SSH2: variants seen among roughly 807,000 people sequenced by gnomAD.
The protein encoded by SSH2 is protein phosphatase Slingshot homolog 2.
In SSH2, 37 loss-of-function variants were observed where a neutral mutation model predicts 135.2. The ratio of observed to expected loss-of-function variants is 0.27; its 90% CI spans 0.21 to 0.36. The LOEUF (loss-of-function observed/expected upper bound fraction) is 0.36. Ranked by LOEUF, SSH2 falls within the 10% of genes least tolerant of loss-of-function variation. The pLI is 1.00. For missense variants in SSH2, 1,408 were observed against 1,765.3 expected (o/e 0.80, Z 3.63); for synonymous variants, 628 against 646.2 (o/e 0.97, Z 0.43).
intron 1 of SSH2, among the ~76,000 whole-genome samples, chr17:29,923,733 G>T (rs1020958259): frequency 5.3e-5 from 8 of 152,058 alleles, no homozygotes; most frequent in African/African-American, 7.2e-5. Context: ...GGGTGCGGTG[G>T]CTCACACCTG....
At chr17:29,749,024 ATAT>A (rs1200494033) in intron 3 of SSH2, among the ~76,000 whole-genome samples, 2 of 152,356 alleles carry the variant, frequency 1.3e-5, no homozygotes, top group Admixed American at 1.3e-4. Flanking sequence ...AAAGGGGAAA[ATAT>A]TATTCCGTAG....
intron 3 of SSH2, among the ~76,000 whole-genome samples, chr17:29,722,199 G>T (rs528273851): frequency 6.6e-6 from 1 of 151,664 alleles, no homozygotes; most frequent in Non-Finnish European, 1.5e-5. Flanking sequence ...GCTTGAACCC[G>T]GGAGGTGGAG....
At chr17:29,667,278 T>G (rs945067671) in intron 9 of SSH2, 55 bp from the exon 10 acceptor site, 10 of 1,201,202 alleles carry the variant, frequency 8.3e-6, no homozygotes, top group Non-Finnish European at 2.4e-6. Flanking sequence ...TAACGATTAT[T>G]CTTAAATGGG....
In SSH2 at chr17:29,628,564, T is replaced by C. The variant is rs954553871; in HGVS notation, c.*2277A>G. The C allele has an allele frequency of 2.0e-5, 3 of 152,176 alleles. No homozygotes were observed. Among genetic ancestry groups the C allele is most frequent in the Admixed American group, 6.5e-5 (1 of 15,276 alleles). The allele number at this position is 152,176 out of a possible 1,614,324, so 9.4% of individuals were successfully genotyped here. On this transcript the variant is annotated 3_prime_UTR_variant, in exon 16 of 16. Coordinates refer to ENST00000540801, the MANE Select transcript of SSH2 (RefSeq NM_001282129.2). Reference sequence around the variant, plus strand: ...CATAAGTTCCTGCCCTTCCCCATCATATTGGTGGTGGAACTGCTTCAAGAA... The same window carrying C: ...CATAAGTTCCTGCCCTTCCCCATCACATTGGTGGTGGAACTGCTTCAAGAA...
At chr17:29,651,633 C>T (rs1489403983) in intron 12 of SSH2, among the ~76,000 whole-genome samples, 1 of 152,240 alleles carries the variant, frequency 6.6e-6, no homozygotes, top group African/African-American at 2.4e-5. Context: ...TCACTCATTT[C>T]TCTCTGAGAC....
chr17:29,647,938 C>T, intron 14 of SSH2: 1 of 539,462 alleles, frequency 1.9e-6, no homozygotes, highest in Non-Finnish European at 3.3e-6. Flanking sequence ...GCTGGGATTA[C>T]AGGCGTGAGC....
intron 1 of SSH2, among the ~76,000 whole-genome samples, chr17:29,906,815 A>G (rs577598420): frequency 6.6e-6 from 1 of 152,242 alleles, no homozygotes; most frequent in African/African-American, 2.4e-5. Flanking sequence ...CCACAATGAG[A>G]AACTATCTCA....
intron 1 of SSH2, among the ~76,000 whole-genome samples, chr17:29,884,987 G>A (rs1235706003): frequency 6.6e-6 from 1 of 152,104 alleles, no homozygotes; most frequent in African/African-American, 2.4e-5. Flanking sequence ...ATATTCCTGG[G>A]TCAATCTGCA....
At position 29,859,219 on chromosome 17, in the gene SSH2, G is replaced by A. The variant is rs143278639; in HGVS notation, c.64-10290C>T. On this transcript the variant is annotated intron_variant, in intron 1 of 15. Transcript: ENST00000540801. Reference sequence around the variant, plus strand: ...GCTCCCTTCCTCTATCTTCAATATCGGTAAAGGTGGGTTGAGTTCTCTTAA... The same window carrying A: ...GCTCCCTTCCTCTATCTTCAATATCAGTAAAGGTGGGTTGAGTTCTCTTAA... 7.8e-3 allele frequency among the ~76,000 whole-genome samples: 1,191 copies of A among 151,912 alleles called. 7 individuals are homozygous for A. The highest frequency in any genetic ancestry group is 0.017 in the Admixed American group (260 of 15,264).
chr17:29,671,844 C>A, intron 9 of SSH2, 91 bp downstream of exon 9: 1 of 1,133,028 alleles, frequency 8.8e-7, no homozygotes, highest in Non-Finnish European at 1.3e-6. Flanking sequence ...GATTAACTCC[C>A]CAAGAGAAAA....
intron 1 of SSH2, among the ~76,000 whole-genome samples, chr17:29,917,851 T>C (rs1351684148): frequency 1.3e-5 from 2 of 151,862 alleles, no homozygotes; most frequent in African/African-American, 4.8e-5. Context: ...CAAGATTCCA[T>C]CTCAAAAATA....
chr17:29,744,182 C>T (rs962355433), intron 3 of SSH2, among the ~76,000 whole-genome samples: 15 of 152,130 alleles, frequency 9.9e-5, no homozygotes, highest in African/African-American at 3.6e-4. Flanking sequence ...GGGGGCGCAG[C>T]TGGCCCGCTG....
intron 2 of SSH2, among the ~76,000 whole-genome samples, chr17:29,842,330 T>G (rs932827008): frequency 4.0e-5 from 6 of 151,696 alleles, no homozygotes; most frequent in Non-Finnish European, 8.8e-5. Flanking sequence ...GGCAGGCACC[T>G]ATAATCCCAG....
intron 3 of SSH2, among the ~76,000 whole-genome samples, chr17:29,792,393 A>G (rs1038675862): frequency 1.3e-5 from 2 of 152,094 alleles, no homozygotes; most frequent in African/African-American, 2.4e-5. Context: ...TTTTCATTCT[A>G]ATGGGAATAT....
chr17:29,865,555 A>C (rs559283068), intron 1 of SSH2, among the ~76,000 whole-genome samples: 33 of 152,212 alleles, frequency 2.2e-4, no homozygotes, highest in Non-Finnish European at 2.8e-4. Flanking sequence ...ACCAAGAATA[A>C]ATCACAAATA....
intron 1 of SSH2, among the ~76,000 whole-genome samples, chr17:29,908,877 G>A (rs1379445138): frequency 6.6e-6 from 1 of 150,798 alleles, no homozygotes; most frequent in African/African-American, 2.4e-5. Context: ...AGGAGATCGA[G>A]ACCATCCTGG....
chr17:29,738,595 C>T (rs1374191405), intron 3 of SSH2, among the ~76,000 whole-genome samples: 1 of 150,026 alleles, frequency 6.7e-6, no homozygotes, highest in Non-Finnish European at 1.5e-5. Flanking sequence ...GCTCTGTTGC[C>T]TAGGCTGGAG....
intron 2 of SSH2, among the ~76,000 whole-genome samples, chr17:29,837,210 T>C (rs992775602): frequency 6.6e-6 from 1 of 150,406 alleles, no homozygotes; most frequent in Non-Finnish European, 1.5e-5. Context: ...TGAGCCAAGA[T>C]CATGCCACTG....
At position 29,837,821 on chromosome 17, in the gene SSH2, G is replaced by A. The variant is rs563637506; in HGVS notation, c.144+11028C>T. 7.7e-4 allele frequency among the ~76,000 whole-genome samples: 118 copies of A among 152,388 alleles called. 1 individual carries two copies. Among genetic ancestry groups the A allele is most frequent in the Middle Eastern group, 6.8e-3 (2 of 294 alleles). On this transcript the variant is annotated intron_variant, in intron 2 of 15. Coordinates refer to ENST00000540801, the MANE Select transcript of SSH2 (RefSeq NM_001282129.2). ...TGAGGGAAACGCAAAGAGGAGGCAT[G>A]GCCAGGGCTGCGCACTCCATGGAGC...
Sources: gnomAD v4.1 joint callset for allele counts (sites outside exome capture counted in the v4.1 genomes callset) on GRCh38, gnomAD v4.1.1 for gene constraint, MANE v1.5 for transcripts, NCBI Gene and HGNC (gene_info 2026-07-23, HGNC 2026-07-21) for gene names.